Variants in GSK3B observed in about 807,000 individuals in gnomAD.
The protein encoded by GSK3B is glycogen synthase kinase 3 beta, also known as glycogen synthase kinase-3 beta.
GSK3B carries 15 observed loss-of-function variants against 56.4 expected under a neutral mutation model. That is an observed-to-expected ratio of 0.27 (90% CI 0.18 to 0.41). GSK3B has a LOEUF of 0.41. GSK3B is among the 10% of genes least tolerant of loss of function. GSK3B has a pLI of 1.00. For synonymous variants in GSK3B, 181 were observed against 188.9 expected, an observed-to-expected ratio of 0.96 and a Z score of 0.34; for missense variants, 300 against 513.4, an observed-to-expected ratio of 0.58 and a Z score of 4.02.
intron 2 of GSK3B, among the ~76,000 whole-genome samples, chr3:119,983,871 A>G (rs1332012711): frequency 1.3e-5 from 2 of 152,252 alleles, no homozygotes; most frequent in Non-Finnish European, 2.9e-5. Context: ...AGACATCTAC[A>G]GAACTCTCCA....
intron 7 of GSK3B, among the ~76,000 whole-genome samples, chr3:119,901,573 A>G (rs1287955445): frequency 6.6e-6 from 1 of 152,182 alleles, no homozygotes; most frequent in Non-Finnish European, 1.5e-5. Flanking sequence ...GTTTAATTAA[A>G]CTGTTTTACT....
At chr3:119,844,573 A>C (rs564942881) in intron 9 of GSK3B, among the ~76,000 whole-genome samples, 1 of 152,352 alleles carries the variant, frequency 6.6e-6, no homozygotes, top group African/African-American at 2.4e-5. Flanking sequence ...TAAACTAGAA[A>C]ATCTAGAAGA....
intron 2 of GSK3B, among the ~76,000 whole-genome samples, chr3:119,998,040 C>G (rs548627503): frequency 1.3e-5 from 2 of 150,866 alleles, no homozygotes; most frequent in South Asian, 4.2e-4. Flanking sequence ...CAGCATTATA[C>G]CAAAGCCCAA....
Position 119,821,881 on chromosome 3 carries a change from A to G in GSK3B, c.*4907T>C, listed in dbSNP as rs1288510602. ...GGAATGGAAATGGTGATGTGACTAC[A>G]TATTGCAGCGGCAAAATAGTAGGGT... is the stretch of plus-strand genomic sequence containing the variant. On this transcript the variant is annotated 3_prime_UTR_variant, in exon 11 of 11. Coordinates refer to ENST00000264235, the MANE Select transcript of GSK3B (RefSeq NM_001146156.2). 5.8e-6 allele frequency: 1 copy of G among 173,808 alleles called. No individual in the cohort carries two copies. The highest frequency in any genetic ancestry group is 1.2e-5 in the Non-Finnish European group (1 of 80,344). 10.8% of individuals were successfully genotyped at this position (173,808 alleles called of 1,614,324 possible).
chr3:119,860,696 G>T (rs1687844281), intron 9 of GSK3B, among the ~76,000 whole-genome samples: 1 of 152,090 alleles, frequency 6.6e-6, no homozygotes, highest in Non-Finnish European at 1.5e-5. Context: ...CATATAGCAG[G>T]TTTACTTTAC....
At chr3:119,989,721 T>G (rs766207714) in intron 2 of GSK3B, among the ~76,000 whole-genome samples, 14 of 151,604 alleles carry the variant, frequency 9.2e-5, no homozygotes, top group Admixed American at 7.2e-4. Flanking sequence ...GGAAACAAAA[T>G]CATAGCATGT....
At chr3:120,024,085 T>C (rs2057902884) in intron 1 of GSK3B, among the ~76,000 whole-genome samples, 1 of 152,188 alleles carries the variant, frequency 6.6e-6, no homozygotes, top group African/African-American at 2.4e-5. Flanking sequence ...TCCCAGCACT[T>C]TGGGAGGCCA....
intron 3 of GSK3B, among the ~76,000 whole-genome samples, chr3:119,931,311 T>C (rs186909696): frequency 2.6e-5 from 4 of 152,314 alleles, no homozygotes; most frequent in East Asian, 3.9e-4. Flanking sequence ...TACTCACAAA[T>C]TGTAAACTTT....
At position 120,059,711 on chromosome 3, in the gene GSK3B, C is replaced by T. The variant is rs115007991; in HGVS notation, c.88+33636G>A. Among the ~76,000 whole-genome samples, 233 of 152,308 alleles carry T rather than the reference C, an allele frequency of 1.5e-3. 1 individual carries two copies. The highest frequency in any genetic ancestry group is 5.5e-3 in the African/African-American group (228 of 41,556). ...CACAGCAAGCTAGGTTTCCCCCAAC[C>T]CCACTCACTTTATTAGCTTCTTTTG... On this transcript the variant is annotated intron_variant, in intron 1 of 10. Transcript: ENST00000264235.
chr3:119,960,793 T>C (rs1170222412), intron 2 of GSK3B, among the ~76,000 whole-genome samples: 1 of 152,216 alleles, frequency 6.6e-6, no homozygotes, highest in Non-Finnish European at 1.5e-5. Context: ...ATTATATCTA[T>C]TTTGCATATT....
At chr3:120,068,687 G>A (rs1460977600) in intron 1 of GSK3B, among the ~76,000 whole-genome samples, 2 of 151,838 alleles carry the variant, frequency 1.3e-5, no homozygotes, top group East Asian at 1.9e-4. Flanking sequence ...GTGACAGAGT[G>A]AGGCCCTGTC....
chr3:119,828,948 T>C (rs935268025), intron 10 of GSK3B, among the ~76,000 whole-genome samples: 2 of 152,318 alleles, frequency 1.3e-5, no homozygotes, highest in East Asian at 1.9e-4. Context: ...ATATAGCCCA[T>C]GTAATGGGGT....
chr3:120,059,609 A>G (rs547726055), intron 1 of GSK3B, among the ~76,000 whole-genome samples: 95 of 152,362 alleles, frequency 6.2e-4, no homozygotes, highest in African/African-American at 2.3e-3. Flanking sequence ...GGTGAATCTT[A>G]GTGAGAAAGC....
At chr3:119,966,118 C>T (rs2057316443) in intron 2 of GSK3B, among the ~76,000 whole-genome samples, 2 of 152,302 alleles carry the variant, frequency 1.3e-5, no homozygotes, top group African/African-American at 4.8e-5. Flanking sequence ...CTCCTTGTAA[C>T]CTACACAACA....
intron 2 of GSK3B, among the ~76,000 whole-genome samples, chr3:119,998,589 G>A (rs2057646457): frequency 6.6e-6 from 1 of 152,180 alleles, no homozygotes; most frequent in Non-Finnish European, 1.5e-5. Context: ...TTTAACAAAT[G>A]AGTAAGGAAG....
intron 8 of GSK3B, among the ~76,000 whole-genome samples, chr3:119,865,434 C>T (rs1309767606): frequency 8.5e-5 from 5 of 59,170 alleles, no homozygotes; most frequent in Admixed American, 2.3e-4. Context: ...AGCTTATTTC[C>T]GATATATATA....
intron 1 of GSK3B, among the ~76,000 whole-genome samples, chr3:120,045,190 T>C (rs1486835006): frequency 2.0e-5 from 3 of 152,204 alleles, no homozygotes; most frequent in African/African-American, 7.2e-5. Flanking sequence ...AGCCCAGACA[T>C]GTTAAAAAGG....
At chr3:120,063,252 A>G (rs1170091900) in intron 1 of GSK3B, among the ~76,000 whole-genome samples, 2 of 152,196 alleles carry the variant, frequency 1.3e-5, no homozygotes, top group African/African-American at 4.8e-5. Context: ...AACATTTTAA[A>G]CTTTTTATTA....
chr3:120,016,978 A>G lies in GSK3B; in HGVS notation c.89-14739T>C, dbSNP rs560951545. Among the ~76,000 whole-genome samples, 6 of 152,364 alleles carry G rather than the reference A, an allele frequency of 3.9e-5. No homozygotes were observed. The East Asian group carries it at 1.2e-3, about 29-fold the overall frequency. On this transcript the variant is annotated intron_variant, in intron 1 of 10. Coordinates refer to ENST00000264235, the MANE Select transcript of GSK3B (RefSeq NM_001146156.2). ...TAATTTAGAAACAGGTTTATTTTCCATACACGTCTAAAAGGCTTACAGCAT... is the reference window on the plus strand; with the variant it reads ...TAATTTAGAAACAGGTTTATTTTCCGTACACGTCTAAAAGGCTTACAGCAT...
Sources: allele counts gnomAD v4.1 joint callset (sites outside exome capture counted in the v4.1 genomes callset), GRCh38; gene constraint gnomAD v4.1.1; transcripts MANE v1.5; gene names NCBI Gene and HGNC (gene_info 2026-07-23, HGNC 2026-07-21).